The following ARHGAP15 variants were observed in gnomAD, a reference collection of about 807,000 sequenced individuals.
ARHGAP15 encodes the protein Rho GTPase activating protein 15.
In ARHGAP15, 51 loss-of-function variants were observed where a neutral mutation model predicts 63.7. The observed-to-expected ratio is 0.80, with a 90% CI of 0.64 to 1.01. The LOEUF is 1.01. Ranked by LOEUF, ARHGAP15 falls within the 50% of genes least tolerant of loss-of-function variation. The pLI, the probability that ARHGAP15 is intolerant of heterozygous loss-of-function variation, is 0.00. For missense variants in ARHGAP15, 560 were observed against 564.6 expected, an observed-to-expected ratio of 0.99 and a Z score of 0.08; for synonymous variants, 191 against 193.8, an observed-to-expected ratio of 0.99 and a Z score of 0.12.
At chr2:143,529,030 G>A (rs2105009970) in intron 10 of ARHGAP15, among the ~76,000 whole-genome samples, 1 of 152,148 alleles carries the variant, frequency 6.6e-6, no homozygotes, top group Admixed American at 6.6e-5. Flanking sequence ...GCTCCTATAT[G>A]CAAATAATTA....
chr2:143,649,586 C>A (rs1427299046), intron 12 of ARHGAP15, among the ~76,000 whole-genome samples: 6 of 151,840 alleles, frequency 4.0e-5, no homozygotes, highest in Non-Finnish European at 7.4e-5. Context: ...TGTTCATCAT[C>A]TGTTATTGCT....
chr2:143,767,844 C>A, intron 13 of ARHGAP15, 145 bp from the exon 14 acceptor site: 2 of 784,820 alleles, frequency 2.5e-6, no homozygotes, highest in East Asian at 2.6e-5. Context: ...TACTTCCATA[C>A]AGTAAAGTAT....
chr2:143,173,790 C>A (rs1373330196), intron 2 of ARHGAP15, among the ~76,000 whole-genome samples: 1 of 152,122 alleles, frequency 6.6e-6, no homozygotes, highest in East Asian at 1.9e-4. Context: ...TTGTTTGTAA[C>A]TTCTGTTCAA....
intron 13 of ARHGAP15, among the ~76,000 whole-genome samples, chr2:143,707,349 C>T (rs1684375411): frequency 6.6e-6 from 1 of 152,140 alleles, no homozygotes; most frequent in Admixed American, 6.5e-5. Flanking sequence ...ATGATAAGTA[C>T]TTATGAAAAT....
At chr2:143,514,065 A>G (rs1192848436) in intron 9 of ARHGAP15, among the ~76,000 whole-genome samples, 1 of 152,232 alleles carries the variant, frequency 6.6e-6, no homozygotes, top group East Asian at 1.9e-4. Flanking sequence ...GTAGTGTACA[A>G]TAAACCCTCA....
At chr2:143,496,780 G>C (rs932808959) in intron 9 of ARHGAP15, among the ~76,000 whole-genome samples, 1 of 152,156 alleles carries the variant, frequency 6.6e-6, no homozygotes, top group African/African-American at 2.4e-5. Flanking sequence ...CCTAGTAATA[G>C]CTATGCTTAA....
At chr2:143,673,769 T>C (rs1227663355) in intron 12 of ARHGAP15, among the ~76,000 whole-genome samples, 1 of 103,138 alleles carries the variant, frequency 9.7e-6, no homozygotes, top group African/African-American at 2.9e-5. Context: ...TATATATATA[T>C]ATATATATAT....
intron 9 of ARHGAP15, among the ~76,000 whole-genome samples, chr2:143,516,331 C>A (rs192925866): frequency 6.6e-6 from 1 of 152,210 alleles, no homozygotes; most frequent in African/African-American, 2.4e-5. Context: ...CTTCTCATAT[C>A]CACCTGTCTA....
intron 11 of ARHGAP15, among the ~76,000 whole-genome samples, chr2:143,603,597 C>G (rs1346281327): frequency 6.6e-6 from 1 of 152,086 alleles, no homozygotes; most frequent in Non-Finnish European, 1.5e-5. Context: ...TGAAAGGACT[C>G]TAAGATTTGA....
At chr2:143,182,535 A>C (rs529161678) in intron 2 of ARHGAP15, among the ~76,000 whole-genome samples, 66 of 152,302 alleles carry the variant, frequency 4.3e-4, no homozygotes, top group African/African-American at 1.6e-3. Flanking sequence ...AGGAGAGAGA[A>C]TATTGAGTTA....
At chr2:143,705,654 A>G (rs1256254095) in intron 13 of ARHGAP15, among the ~76,000 whole-genome samples, 1 of 152,206 alleles carries the variant, frequency 6.6e-6, no homozygotes, top group Non-Finnish European at 1.5e-5. Flanking sequence ...ATGGAAAAGT[A>G]TACCCTTTAA....
At chr2:143,371,800 A>G (rs1442360777) in intron 6 of ARHGAP15, among the ~76,000 whole-genome samples, 1 of 152,190 alleles carries the variant, frequency 6.6e-6, no homozygotes, top group Admixed American at 6.5e-5. Flanking sequence ...CTAGTACATA[A>G]GACTTCATTG....
chr2:143,711,954 T>C (rs1253040676), intron 13 of ARHGAP15, among the ~76,000 whole-genome samples: 2 of 152,052 alleles, frequency 1.3e-5, no homozygotes, highest in South Asian at 2.1e-4. Context: ...ACAAAACCTG[T>C]AGACATTAGG....
intron 6 of ARHGAP15, among the ~76,000 whole-genome samples, chr2:143,371,992 T>C (rs1686579274): frequency 6.7e-6 from 1 of 149,122 alleles, no homozygotes; most frequent in African/African-American, 2.5e-5. Flanking sequence ...AAATACTACC[T>C]GTTCCCCACG....
chr2:143,536,635 G>A (rs1559035232), intron 10 of ARHGAP15, among the ~76,000 whole-genome samples: 2 of 149,766 alleles, frequency 1.3e-5, no homozygotes, highest in African/African-American at 2.5e-5. Context: ...TTGGTTTTTT[G>A]TCCTTGCAAT....
intron 8 of ARHGAP15, among the ~76,000 whole-genome samples, chr2:143,466,035 A>C (rs905539139): frequency 3.3e-4 from 50 of 151,928 alleles, no homozygotes; most frequent in African/African-American, 1.2e-3. Flanking sequence ...TTCTTTCTTT[A>C]TTTCCCTGCA....
intron 6 of ARHGAP15, among the ~76,000 whole-genome samples, chr2:143,341,918 T>A (rs1685075545): frequency 6.6e-6 from 1 of 152,158 alleles, no homozygotes; most frequent in Non-Finnish European, 1.5e-5. Context: ...TAACTTGCTT[T>A]CAGTTAGATG....
chr2:143,668,114 G>T (rs1309670321), intron 12 of ARHGAP15, among the ~76,000 whole-genome samples: 3 of 152,030 alleles, frequency 2.0e-5, no homozygotes. Flanking sequence ...TTTAGAATGG[G>T]AACTAGGTAA....
intron 6 of ARHGAP15, among the ~76,000 whole-genome samples, chr2:143,329,262 T>TC (rs1210162419): frequency 6.6e-6 from 1 of 152,158 alleles, no homozygotes; most frequent in Non-Finnish European, 1.5e-5. Context: ...GCAGTTAAGG[T>TC]CCCAAAGCAG....
Sources: gnomAD v4.1 joint callset for allele counts (sites outside exome capture counted in the v4.1 genomes callset) on GRCh38, gnomAD v4.1.1 for gene constraint, MANE v1.5 for transcripts, NCBI Gene and HGNC (gene_info 2026-07-23, HGNC 2026-07-21) for gene names.